Variants in PALM2AKAP2 observed in about 807,000 individuals in gnomAD.
PALM2AKAP2 encodes PALM2-AKAP2 fusion protein.
PALM2AKAP2 carries 37 observed loss-of-function variants against 71.5 expected under a neutral mutation model. That is an observed-to-expected ratio of 0.52 (90% CI 0.40 to 0.68). PALM2AKAP2 has a LOEUF of 0.68. Ranked by LOEUF, PALM2AKAP2 falls within the 30% of genes least tolerant of loss-of-function variation. The pLI is 0.00. For synonymous variants in PALM2AKAP2, 468 were observed against 478.8 expected (o/e 0.98, Z 0.29); for missense variants, 1,224 against 1,191.8 (o/e 1.03, Z -0.40).
intron 1 of PALM2AKAP2, among the ~76,000 whole-genome samples, chr9:109,862,029 A>G (rs1336476915): frequency 2.6e-5 from 4 of 152,202 alleles, no homozygotes; most frequent in Admixed American, 2.0e-4. Context: ...TGTGTCAGCC[A>G]AGATCCTTGT....
chr9:109,881,876 CTTTTTTTTT>C (rs565835467), intron 3 of PALM2AKAP2, among the ~76,000 whole-genome samples: 66 of 95,112 alleles, frequency 6.9e-4, no homozygotes, highest in African/African-American at 1.3e-3. Context: ...CTTATGAGCT[CTTTTTTTTT>C]TTTTTTTTTT....
At chr9:109,822,178 C>T (rs1419498529) in intron 1 of PALM2AKAP2, among the ~76,000 whole-genome samples, 5 of 152,196 alleles carry the variant, frequency 3.3e-5, no homozygotes, top group Non-Finnish European at 2.9e-5. Context: ...GAATCGAAAA[C>T]AGAAATGTGA....
chr9:109,649,958 C>T (rs183999979), intron 1 of PALM2AKAP2, among the ~76,000 whole-genome samples: 44 of 152,276 alleles, frequency 2.9e-4, no homozygotes, highest in Non-Finnish European at 1.9e-4. Context: ...TACTTGATGA[C>T]TTGGTTTAGC....
intron 1 of PALM2AKAP2, among the ~76,000 whole-genome samples, chr9:109,830,118 G>A (rs1394580940): frequency 6.6e-6 from 1 of 152,170 alleles, no homozygotes; most frequent in African/African-American, 2.4e-5. Flanking sequence ...TTATCTGATG[G>A]TCAAAAGAAG....
chr9:109,770,739 A>G (rs574909049), intron 1 of PALM2AKAP2, among the ~76,000 whole-genome samples: 21 of 152,324 alleles, frequency 1.4e-4, no homozygotes, highest in African/African-American at 4.8e-4. Flanking sequence ...TTTTTACTGG[A>G]ACACAGGCAT....
rs565621796 is a variant in PALM2AKAP2, at chr9:109,797,695, C to T, written c.45+17162C>T. 5.9e-5 allele frequency among the ~76,000 whole-genome samples: 9 copies of T among 152,274 alleles called. No individual in the cohort carries two copies. In the South Asian group the frequency reaches 1.0e-3, roughly 18 times the overall value. On this transcript the variant is annotated intron_variant, in intron 1 of 9. Transcript: ENST00000302798. Reference sequence around the variant, plus strand: ...GGCAGGGGCATGTGTGGGAAGCAGGCGGCCTGCAGATTCATTATTGCTACA... The same window carrying T: ...GGCAGGGGCATGTGTGGGAAGCAGGTGGCCTGCAGATTCATTATTGCTACA...
intron 6 of PALM2AKAP2, among the ~76,000 whole-genome samples, chr9:109,971,283 CTTTTTTTTTTTTTTTTTTTT>C (rs11392589): frequency 2.2e-5 from 1 of 45,640 alleles, no homozygotes; most frequent in African/African-American, 1.2e-4. Context: ...CTCTTAGTCC[CTTTTTTTTTTTTTTTTTTTT>C]TTTTTTTTTT....
At chr9:109,980,218 G>A (rs567701316) in intron 6 of PALM2AKAP2, among the ~76,000 whole-genome samples, 152 of 152,200 alleles carry the variant, frequency 1.0e-3, no homozygotes, top group African/African-American at 3.6e-3. Flanking sequence ...TGGGCCATGG[G>A]TCCTCCTCTT....
chr9:109,848,778 CAAAA>C (rs56135332), intron 1 of PALM2AKAP2, among the ~76,000 whole-genome samples: 1 of 112,004 alleles, frequency 8.9e-6, no homozygotes, highest in Non-Finnish European at 1.9e-5. Flanking sequence ...CCCATCTCTA[CAAAA>C]AAAAAAAAAA....
intron 1 of PALM2AKAP2, among the ~76,000 whole-genome samples, chr9:109,712,009 GT>G (rs1277446681): frequency 6.6e-6 from 1 of 152,096 alleles, no homozygotes; most frequent in Non-Finnish European, 1.5e-5. Context: ...GTGTGTGTGT[GT>G]GTGTGTGTGT....
At chr9:109,882,463 C>T (rs1184249049) in intron 3 of PALM2AKAP2, among the ~76,000 whole-genome samples, 1 of 152,156 alleles carries the variant, frequency 6.6e-6, no homozygotes, top group Non-Finnish European at 1.5e-5. Flanking sequence ...CTCACACACA[C>T]CCGTGTACAT....
At chr9:109,764,349 C>T (rs998957511) in intron 1 of PALM2AKAP2, among the ~76,000 whole-genome samples, 3 of 152,028 alleles carry the variant, frequency 2.0e-5, no homozygotes, top group African/African-American at 7.3e-5. Context: ...CAGGGTGTCT[C>T]CCAGAACTCT....
At chr9:109,952,595 T>C (rs1831665187) in intron 6 of PALM2AKAP2, among the ~76,000 whole-genome samples, 1 of 152,240 alleles carries the variant, frequency 6.6e-6, no homozygotes, top group African/African-American at 2.4e-5. Flanking sequence ...CATCTTGTCC[T>C]CATCAAAAGT....
At chr9:109,835,011 G>A (rs1043136981) in intron 1 of PALM2AKAP2, among the ~76,000 whole-genome samples, 3 of 151,962 alleles carry the variant, frequency 2.0e-5, no homozygotes, top group African/African-American at 7.3e-5. Context: ...TGCCAGGAGG[G>A]GTCTGCACTT....
At chr9:109,737,643 T>G (rs1415088865) in intron 1 of PALM2AKAP2, among the ~76,000 whole-genome samples, 1 of 152,228 alleles carries the variant, frequency 6.6e-6, no homozygotes. Flanking sequence ...GCTAGGTGCA[T>G]CTACTGACCT....
At chr9:109,694,450 T>C (rs1827939591) in intron 1 of PALM2AKAP2, among the ~76,000 whole-genome samples, 1 of 152,060 alleles carries the variant, frequency 6.6e-6, no homozygotes, top group Non-Finnish European at 1.5e-5. Flanking sequence ...TAAAATGTAA[T>C]GTAAAATGAT....
At chr9:110,104,066 C>A (rs1835059841) in intron 1 of PALM2AKAP2, among the ~76,000 whole-genome samples, 1 of 151,934 alleles carries the variant, frequency 6.6e-6, no homozygotes, top group Non-Finnish European at 1.5e-5. Flanking sequence ...ATTGAGTGCC[C>A]CCCAGGGAGT....
chr9:109,754,466 T>C (rs139970913), intron 1 of PALM2AKAP2, among the ~76,000 whole-genome samples: 1 of 152,292 alleles, frequency 6.6e-6, no homozygotes, highest in Non-Finnish European at 1.5e-5. Flanking sequence ...TACAGTGTTG[T>C]TAATTATAGT....
At chr9:109,880,116 C>G (rs1010811177) in intron 2 of PALM2AKAP2, among the ~76,000 whole-genome samples, 41 of 152,058 alleles carry the variant, frequency 2.7e-4, no homozygotes, top group African/African-American at 9.4e-4. Context: ...TTAATATGGA[C>G]CAGATATTAG....
Sources: allele counts gnomAD v4.1 joint callset (sites outside exome capture counted in the v4.1 genomes callset), GRCh38; gene constraint gnomAD v4.1.1; transcripts MANE v1.5; gene names NCBI Gene and HGNC (gene_info 2026-07-23, HGNC 2026-07-21).